Variants in DNASE2B observed in about 807,000 individuals in gnomAD.
DNASE2B encodes deoxyribonuclease 2 beta.
Under a neutral mutation model 46.0 loss-of-function variants are expected in DNASE2B, and 43 were observed. The observed-to-expected ratio is 0.94, with a 90% CI of 0.73 to 1.21. DNASE2B has a LOEUF of 1.21. DNASE2B is among the 50% of genes most tolerant of loss of function. The pLI is 0.00. For synonymous variants in DNASE2B, 156 were observed against 152.5 expected, an observed-to-expected ratio of 1.02 and a Z score of -0.17; for missense variants, 395 against 414.4, an observed-to-expected ratio of 0.95 and a Z score of 0.41.
chr1:84,406,613 G>C (rs771987104), intron 2 of DNASE2B, among the ~76,000 whole-genome samples: 22 of 152,194 alleles, frequency 1.4e-4, no homozygotes, highest in Admixed American at 3.9e-4. Context: ...TTGGTTCTGG[G>C]GGGAAAATGA....
At chr1:84,402,217 A>C in intron 2 of DNASE2B, 139 bp downstream of exon 2, 10 of 736,166 alleles carry the variant, frequency 1.4e-5, no homozygotes, top group Non-Finnish European at 1.9e-5. Flanking sequence ...GGACCAGCTC[A>C]AGACAACTAT....
At chr1:84,412,319 T>C (rs1479206665) in intron 4 of DNASE2B, 30 bp from the exon 5 acceptor site, 1 of 1,470,528 alleles carries the variant, frequency 6.8e-7, no homozygotes. Flanking sequence ...GTCTTAATTC[T>C]CAACTTTTCT....
rs765232990 is a variant in DNASE2B, at chr1:84,398,590, T to G, written c.26T>G (p.Leu9Arg). 1.9e-6 allele frequency: 3 copies of G among 1,613,880 alleles called. No homozygotes were observed. Among genetic ancestry groups the G allele is most frequent in the Non-Finnish European group, 2.5e-6 (3 of 1,179,814 alleles). MKQKMMAR[L>R]LRTSFALLFL... ...ATGAAACAGAAAATGATGGCAAGAC[T>G]GCTAAGAACATCCTTTGCTTTGCTC... is the stretch of plus-strand genomic sequence containing the variant. The change falls in exon 1 of 6, where the codon CTG (leucine) becomes CGG (arginine). Residue 9 changes from leucine (L) to arginine (R), a missense_variant. Physicochemically the swap from Leu to Arg is moderately radical, Grantham distance 102 (BLOSUM62 -2). Coordinates refer to ENST00000370665, the MANE Select transcript of DNASE2B (RefSeq NM_021233.3).
intron 4 of DNASE2B, among the ~76,000 whole-genome samples, chr1:84,411,471 T>TCA (rs1680596115): frequency 3.1e-3 from 141 of 44,788 alleles, no homozygotes; most frequent in African/African-American, 0.011. Context: ...TGTGTGTGTG[T>TCA]GTGTGTGTGT....
rs1680590989 is a variant in DNASE2B at position 84,411,428 on chromosome 1, GTGTGTGTGTGTGTGTGTGT to G, written c.547+430_547+448del. Among the ~76,000 whole-genome samples, 18 of 4,754 alleles carry G rather than the reference GTGTGTGTGTGTGTGTGTGT, an allele frequency of 3.8e-3. 1 individual carries two copies. The highest frequency in any genetic ancestry group is 4.5e-3 in the African/African-American group (17 of 3,760). 3.1% of individuals were successfully genotyped at this position (4,754 alleles called of 152,430 possible). A position where few individuals can be genotyped will look rare whatever the true frequency, so the allele number is the denominator to read the frequency against. ...TCATGAAGTACCAGAAACCTAGGGTGTGTGTGTGTGTGTGTGTGTGTGTGTGTGTGTGTGTGTGTGTGTG... is the reference window on the plus strand; with the variant it reads ...TCATGAAGTACCAGAAACCTAGGGTGGTGTGTGTGTGTGTGTGTGTGTGTG... On this transcript the variant is annotated intron_variant, in intron 4 of 5. Coordinates refer to ENST00000370665, the MANE Select transcript of DNASE2B (RefSeq NM_021233.3).
chr1:84,411,150 T>G (rs1163586926), intron 4 of DNASE2B, among the ~76,000 whole-genome samples, 151 bp downstream of exon 4: 5 of 152,208 alleles, frequency 3.3e-5, no homozygotes, highest in African/African-American at 9.7e-5. Context: ...GGTGAGGTCT[T>G]GGGCAGGCTC....
intron 2 of DNASE2B, among the ~76,000 whole-genome samples, chr1:84,404,441 A>G (rs1295059192): frequency 6.6e-6 from 1 of 152,212 alleles, no homozygotes; most frequent in Non-Finnish European, 1.5e-5. Flanking sequence ...GGCTTTTCCT[A>G]TAACAGAAAT....
intron 4 of DNASE2B, 63 bp from the exon 5 acceptor site, chr1:84,412,286 T>C (rs1680612095): frequency 7.6e-7 from 1 of 1,323,616 alleles, no homozygotes; most frequent in Non-Finnish European, 1.0e-6. Context: ...AGATCTATAA[T>C]AACAGCAGGT....
chr1:84,398,532 A>G lies in DNASE2B; in HGVS notation c.-33A>G, dbSNP rs369019715. Reference sequence around the variant, plus strand: ...CCTTGAAACTCAGACTCCACAATCTATGGGGAAAGTGTCCTGCTGTGGCAT... The same window carrying G: ...CCTTGAAACTCAGACTCCACAATCTGTGGGGAAAGTGTCCTGCTGTGGCAT... On this transcript the variant is annotated 5_prime_UTR_variant, in exon 1 of 6. The change abolishes an upstream ATG in the 5' untranslated region. Coordinates refer to ENST00000370665, the MANE Select transcript of DNASE2B (RefSeq NM_021233.3). 5 of 1,611,712 alleles carry G rather than the reference A, an allele frequency of 3.1e-6. No individual in the cohort carries two copies. The highest frequency in any genetic ancestry group is 4.2e-6 in the Non-Finnish European group (5 of 1,178,680).
Position 84,414,828 on chromosome 1 carries a change from C to T in DNASE2B, c.1046C>T (p.Ala349Val), listed in dbSNP as rs147325752. The T allele has an allele frequency of 3.2e-5, 52 of 1,613,992 alleles. No individual in the cohort carries two copies. The highest frequency in any genetic ancestry group is 4.4e-5 in the Non-Finnish European group (52 of 1,180,002). The change falls in exon 6 of 6, where the codon GCA becomes GTA. Residue 349 changes from alanine to valine, a missense_variant. Coordinates refer to ENST00000370665, the MANE Select transcript of DNASE2B (RefSeq NM_021233.3). ...ICTQNWQIYQAFQGLVLYYES... is the reference protein window; with the variant it reads ...ICTQNWQIYQVFQGLVLYYES... ...ACCCAGAATTGGCAAATTTACCAAG[C>T]ATTTCAAGGATTAGTATTATACTAT... is the stretch of plus-strand genomic sequence containing the variant.
rs374590812 is a variant in DNASE2B at position 84,414,617 on chromosome 1, T to C, written c.835T>C (p.Cys279Arg). ...AAAAAGACAAGAGCTTCCTTCAAAC[T>C]GCTCCCTTCCTTACCATGTCTACAA... ...QRKRQELPSN[C>R]SLPYHVYNIK... The change falls in exon 6 of 6, where the codon TGC becomes CGC. Residue 279 changes from cysteine (C) to arginine (R), a missense_variant. Coordinates refer to ENST00000370665, the MANE Select transcript of DNASE2B (RefSeq NM_021233.3). 1.5e-5 allele frequency: 25 copies of C among 1,614,062 alleles called. No individual in the cohort carries two copies. Among genetic ancestry groups the C allele is most frequent in the Non-Finnish European group, 2.1e-5 (25 of 1,180,026 alleles).
chr1:84,408,353 T>A, intron 2 of DNASE2B, 84 bp from the exon 3 acceptor site: 2 of 1,460,750 alleles, frequency 1.4e-6, no homozygotes, highest in Non-Finnish European at 1.8e-6. Context: ...AGCAATGTAT[T>A]GCAGGCTGGG....
chr1:84,406,664 C>T (rs920833513), intron 2 of DNASE2B, among the ~76,000 whole-genome samples: 3 of 152,138 alleles, frequency 2.0e-5, no homozygotes, highest in African/African-American at 7.2e-5. Flanking sequence ...GGCATAGAGC[C>T]AAAAGAAGAG....
Position 84,412,560 on chromosome 1 carries a change from T to C in DNASE2B, c.745+14T>C, listed in dbSNP as rs1452849291. Reference sequence around the variant, plus strand: ...CTTTTCTTGACGGTATGAAAGACCATCATCAAACAACATGCTGTATAATTC... The same window carrying C: ...CTTTTCTTGACGGTATGAAAGACCACCATCAAACAACATGCTGTATAATTC... On this transcript the variant is annotated intron_variant, in intron 5 of 5. Transcript: ENST00000370665. The C allele has an allele frequency of 6.3e-7, 1 of 1,593,210 alleles. No individual in the cohort carries two copies. Among genetic ancestry groups the C allele is most frequent in the South Asian group, 1.1e-5 (1 of 88,332 alleles).
intron 1 of DNASE2B, among the ~76,000 whole-genome samples, chr1:84,401,633 C>T (rs528657579): frequency 3.1e-4 from 47 of 152,318 alleles, no homozygotes; most frequent in Non-Finnish European, 5.6e-4. Context: ...GAAAGAGCCA[C>T]TCTCAATGTA....
chr1:84,408,370 G>T lies in DNASE2B; in HGVS notation c.304-67G>T, dbSNP rs1013735460. 4 of 1,523,302 alleles carry T rather than the reference G, an allele frequency of 2.6e-6. No individual in the cohort carries two copies. In the South Asian group the frequency reaches 3.9e-5, roughly 15 times the overall value. 94.4% of individuals were successfully genotyped at this position (1,523,302 alleles called of 1,614,324 possible). ...CAATGTATTGCAGGCTGGGTAGCTG[G>T]TAGAAATGTTGTGGGCGTTTGTAAG... On this transcript the variant is annotated intron_variant, in intron 2 of 5. Coordinates refer to ENST00000370665, the MANE Select transcript of DNASE2B (RefSeq NM_021233.3).
At chr1:84,401,294 G>A (rs1302557369) in intron 1 of DNASE2B, among the ~76,000 whole-genome samples, 2 of 152,202 alleles carry the variant, frequency 1.3e-5, no homozygotes, top group Non-Finnish European at 2.9e-5. Context: ...AGCACACTGA[G>A]AAACGCTGAG....
intron 1 of DNASE2B, among the ~76,000 whole-genome samples, 182 bp downstream of exon 1, chr1:84,398,871 T>C (rs1174301456): frequency 6.6e-6 from 1 of 152,180 alleles, no homozygotes; most frequent in Non-Finnish European, 1.5e-5. Context: ...GTGACGGAGT[T>C]TCCCCCTGAA....
chr1:84,403,640 T>G (rs1008795128), intron 2 of DNASE2B, among the ~76,000 whole-genome samples: 2 of 151,970 alleles, frequency 1.3e-5, no homozygotes, highest in African/African-American at 4.8e-5. Flanking sequence ...AACTTTCACA[T>G]GAAAATACAT....
Sources: allele counts gnomAD v4.1 joint callset (sites outside exome capture counted in the v4.1 genomes callset), GRCh38; gene constraint gnomAD v4.1.1; transcripts MANE v1.5; gene names NCBI Gene and HGNC (gene_info 2026-07-23, HGNC 2026-07-21).